Variants in STIM1 observed in about 807,000 individuals in gnomAD.
The protein encoded by STIM1 is stromal interaction molecule 1.
STIM1 carries 25 observed loss-of-function variants against 74.7 expected under a neutral mutation model. The observed-to-expected ratio is 0.33, with a 90% CI of 0.24 to 0.47. The LOEUF (loss-of-function observed/expected upper bound fraction) is 0.47. Ranked by LOEUF, STIM1 falls within the 20% of genes least tolerant of loss-of-function variation. The pLI is 1.00. For missense variants in STIM1, 728 were observed against 920.8 expected (o/e 0.79, Z 2.71); for synonymous variants, 328 against 348.8 (o/e 0.94, Z 0.66).
intron 11 of STIM1, chr11:4,086,148 C>T (rs2094491774): frequency 3.0e-6 from 1 of 336,892 alleles, no homozygotes; most frequent in South Asian, 4.5e-5. Flanking sequence ...GTTCTTAGTG[C>T]TCTCCCGGAC....
rs545562317 is a variant in STIM1 at position 3,923,600 on chromosome 11, C to A, written c.140-43952C>A. Among the ~76,000 whole-genome samples the A allele has an allele frequency of 9.9e-5, 14 of 140,928 alleles. No individual in the cohort carries two copies. In the East Asian group the frequency reaches 2.5e-3, roughly 25 times the overall value. The allele number at this position is 140,928 out of a possible 152,430, so 92.5% of individuals were successfully genotyped here. ...CTCCAGCCCAGGCGACAGAGTGAGA[C>A]CCTATCTCAAAAAAAAAAAAAAAAA... On this transcript the variant is annotated intron_variant, in intron 1 of 12. Transcript: ENST00000526596.
At chr11:4,018,903 A>C (rs1220720737) in intron 2 of STIM1, 2 of 152,212 alleles carry the variant, frequency 1.3e-5, no homozygotes, top group African/African-American at 4.8e-5. Context: ...ATTTGCTTTG[A>C]AGTCACCTTC....
At chr11:4,056,261 G>A (rs943000918) in intron 4 of STIM1, among the ~76,000 whole-genome samples, 1 of 152,214 alleles carries the variant, frequency 6.6e-6, no homozygotes, top group African/African-American at 2.4e-5. Context: ...AACAGCTGTT[G>A]TTTCATAACT....
chr11:3,919,520 T>G (rs1454447728), intron 1 of STIM1, among the ~76,000 whole-genome samples: 1 of 152,206 alleles, frequency 6.6e-6, no homozygotes, highest in Admixed American at 6.5e-5. Flanking sequence ...CTGAGTTTTT[T>G]TTTTAGAAGC....
At chr11:3,873,045 C>T (rs570384443) in intron 1 of STIM1, among the ~76,000 whole-genome samples, 3 of 151,482 alleles carry the variant, frequency 2.0e-5, no homozygotes, top group South Asian at 2.1e-4. Flanking sequence ...AACTCCTGGG[C>T]GTAAATGATC....
At chr11:4,046,706 A>G (rs945627379) in intron 3 of STIM1, among the ~76,000 whole-genome samples, 3 of 152,072 alleles carry the variant, frequency 2.0e-5, no homozygotes, top group Non-Finnish European at 2.9e-5. Context: ...CTGGAGTGCA[A>G]TGGTGCAGTT....
intron 2 of STIM1, among the ~76,000 whole-genome samples, chr11:4,007,892 G>T (rs948949935): frequency 6.6e-6 from 1 of 152,140 alleles, no homozygotes; most frequent in African/African-American, 2.4e-5. Flanking sequence ...CTGGCAGACT[G>T]TTGCCATGTA....
intron 2 of STIM1, among the ~76,000 whole-genome samples, chr11:4,012,896 T>C (rs545672773): frequency 1.5e-3 from 227 of 152,304 alleles, no homozygotes; most frequent in Non-Finnish European, 2.5e-3. Context: ...TGAGATATGT[T>C]CCATCAATAC....
intron 1 of STIM1, among the ~76,000 whole-genome samples, chr11:3,933,202 G>A (rs1307518528): frequency 6.6e-6 from 1 of 152,194 alleles, no homozygotes; most frequent in African/African-American, 2.4e-5. Flanking sequence ...AGTCCTAGGT[G>A]TGTTGTTCAC....
chr11:3,998,883 G>A (rs1057036962), intron 2 of STIM1, among the ~76,000 whole-genome samples: 1 of 152,202 alleles, frequency 6.6e-6, no homozygotes, highest in Non-Finnish European at 1.5e-5. Flanking sequence ...GAAATGGCTT[G>A]ATGTGTCTAG....
At position 4,020,173 on chromosome 11, in the gene STIM1, C is replaced by T. The variant is rs913941741; in HGVS notation, c.271-3700C>T. On this transcript the variant is annotated intron_variant, in intron 2 of 12. Coordinates refer to ENST00000526596, the MANE Select transcript of STIM1 (RefSeq NM_001382567.1). ...AATGGTATGCTGTTGTGTAAATATA[C>T]GACATTTTCTTTAAACATTCATTTG... Among the ~76,000 whole-genome samples the T allele has an allele frequency of 1.2e-4, 18 of 151,964 alleles. No homozygotes were observed. In the South Asian group the frequency reaches 1.4e-3, roughly 12 times the overall value.
chr11:4,029,412 T>C, intron 3 of STIM1, among the ~76,000 whole-genome samples: 1 of 151,966 alleles, frequency 6.6e-6, no homozygotes, highest in Non-Finnish European at 1.5e-5. Flanking sequence ...CCATTGTCTC[T>C]TTGTGGAGTT....
intron 1 of STIM1, among the ~76,000 whole-genome samples, chr11:3,950,889 A>C (rs564813391): frequency 1.5e-3 from 231 of 152,260 alleles, no homozygotes; most frequent in Non-Finnish European, 2.7e-3. Context: ...CAGTCTCTCA[A>C]AGTATTGGGA....
intron 2 of STIM1, among the ~76,000 whole-genome samples, chr11:3,992,239 T>G (rs1361344112): frequency 6.7e-6 from 1 of 149,248 alleles, no homozygotes; most frequent in Non-Finnish European, 1.5e-5. Context: ...CAGAACTTGG[T>G]CTCTACAAAA....
chr11:4,085,919 T>G (rs999439796), intron 11 of STIM1, among the ~76,000 whole-genome samples: 1 of 152,240 alleles, frequency 6.6e-6, no homozygotes, highest in Non-Finnish European at 1.5e-5. Flanking sequence ...AGTCTTTTTA[T>G]AAGCATCATT....
intron 3 of STIM1, among the ~76,000 whole-genome samples, chr11:4,051,932 A>C (rs919986810): frequency 6.6e-6 from 1 of 152,238 alleles, no homozygotes; most frequent in Non-Finnish European, 1.5e-5. Context: ...ATCAATGTGC[A>C]AAAATCATAA....
intron 2 of STIM1, among the ~76,000 whole-genome samples, chr11:3,993,064 T>TG (rs1279489395): frequency 7.5e-6 from 1 of 133,882 alleles, no homozygotes; most frequent in Non-Finnish European, 1.7e-5. Flanking sequence ...AGAGCTTTTT[T>TG]GAAAAAAAAA....
At chr11:3,962,471 G>GTGTGTGTA (rs1274547802) in intron 1 of STIM1, among the ~76,000 whole-genome samples, 1 of 151,320 alleles carries the variant, frequency 6.6e-6, no homozygotes, top group African/African-American at 2.5e-5. Flanking sequence ...GTGTGTGTGT[G>GTGTGTGTA]TGTGTATAAA....
At chr11:4,016,553 C>T (rs1276695230) in intron 2 of STIM1, among the ~76,000 whole-genome samples, 1 of 152,256 alleles carries the variant, frequency 6.6e-6, no homozygotes, top group Non-Finnish European at 1.5e-5. Flanking sequence ...AGCTCAAACG[C>T]TGTGCTGGGA....
Sources: allele counts gnomAD v4.1 joint callset (sites outside exome capture counted in the v4.1 genomes callset), GRCh38; gene constraint gnomAD v4.1.1; transcripts MANE v1.5; gene names NCBI Gene and HGNC (gene_info 2026-07-23, HGNC 2026-07-21).